DLAT: variants seen among roughly 807,000 people sequenced by gnomAD.
The protein encoded by DLAT is dihydrolipoyllysine-residue acetyltransferase component of pyruvate dehydrogenase complex, mitochondrial.
A neutral mutation model predicts 68.0 loss-of-function variants in DLAT; 43 were observed. That is an observed-to-expected ratio of 0.63 (90% confidence interval 0.50 to 0.81). DLAT has a LOEUF of 0.81. DLAT is among the 40% of genes least tolerant of loss of function. The pLI, the probability that DLAT is intolerant of heterozygous loss-of-function variation, is 0.00. For missense variants in DLAT, 745 were observed against 815.4 expected (o/e 0.91, Z 1.05); for synonymous variants, 265 against 288.6 (o/e 0.92, Z 0.83).
At chr11:112,058,176 T>G (rs1356867379) in intron 11 of DLAT, among the ~76,000 whole-genome samples, 1 of 152,236 alleles carries the variant, frequency 6.6e-6, no homozygotes, top group Admixed American at 6.5e-5. Context: ...TAACATGTAC[T>G]GTTTACTGGA....
intron 11 of DLAT, among the ~76,000 whole-genome samples, chr11:112,058,633 G>GC (rs2135145254): frequency 7.6e-6 from 1 of 130,732 alleles, no homozygotes; most frequent in South Asian, 2.9e-4. Flanking sequence ...GGTGGGGGGG[G>GC]GGAATCACCT....
In DLAT at chr11:112,028,772, G is replaced by T. The variant is rs1592659520; in HGVS notation, c.507-20G>T. 1 of 1,614,110 alleles carries T rather than the reference G, an allele frequency of 6.2e-7. No homozygotes were observed. Among genetic ancestry groups the T allele is most frequent in the African/African-American group, 1.3e-5 (1 of 75,012 alleles). The stretch of plus-strand genomic sequence containing the variant: ...AGCTGAATCTGCCCATTATATTTAT[G>T]CATTCTTTCTCTTCCTTAGGCCTGA... On this transcript the variant is annotated intron_variant, in intron 3 of 13. Coordinates refer to ENST00000280346, the MANE Select transcript of DLAT (RefSeq NM_001931.5).
At position 112,036,201 on chromosome 11, in the gene DLAT, G is replaced by GTTTTTTTTTT. The variant is rs1167345612; in HGVS notation, c.788-1052_788-1043dup. ...TGTGTGTGTGTGTGTGTGTGTGTGT[G>GTTTTTTTTTT]TTTTTTTTTTTTTTTTTTTTTTTTT... On this transcript the variant is annotated intron_variant, in intron 5 of 13. Transcript: ENST00000280346. Among the ~76,000 whole-genome samples, 28 of 36,482 alleles carry GTTTTTTTTTT rather than the reference G, an allele frequency of 7.7e-4. 5 individuals carry two copies. Among genetic ancestry groups the GTTTTTTTTTT allele is most frequent in the Non-Finnish European group, 1.1e-3 (22 of 19,682 alleles). 23.9% of individuals were successfully genotyped at this position (36,482 alleles called of 152,430 possible).
At position 112,038,395 on chromosome 11, in the gene DLAT, C is replaced by T. The variant is rs374665519; in HGVS notation, c.976-849C>T. Among the ~76,000 whole-genome samples, 12 of 149,460 alleles carry T rather than the reference C, an allele frequency of 8.0e-5. No individual in the cohort carries two copies. In the East Asian group the frequency reaches 2.1e-3, roughly 27 times the overall value. ...TTTATTTTTAGTAGAGAAGGGGTTT[C>T]ACCGTGTTGGCCAGGCTGGTCACGA... On this transcript the variant is annotated intron_variant, in intron 6 of 13. Coordinates refer to ENST00000280346, the MANE Select transcript of DLAT (RefSeq NM_001931.5).
chr11:112,059,884 T>C lies in DLAT; in HGVS notation c.1515-19T>C. On this transcript the variant is annotated intron_variant, in intron 11 of 13. Transcript: ENST00000280346. Reference sequence around the variant, plus strand: ...TTAATAAACAGTTTTTTATTATATTTATTTTTCTTTTTAAACAGAAATCAT... The same window carrying C: ...TTAATAAACAGTTTTTTATTATATTCATTTTTCTTTTTAAACAGAAATCAT... 2 of 1,555,246 alleles carry C rather than the reference T, an allele frequency of 1.3e-6. No homozygotes were observed. Among genetic ancestry groups the C allele is most frequent in the Non-Finnish European group, 8.7e-7 (1 of 1,149,108 alleles).
intron 10 of DLAT, among the ~76,000 whole-genome samples, chr11:112,046,659 C>T (rs1168402909): frequency 2.0e-5 from 3 of 151,744 alleles, no homozygotes; most frequent in African/African-American, 7.3e-5. Flanking sequence ...ATGTTTCCCT[C>T]CCTGTGTCCA....
At chr11:112,048,820 C>T (rs903612668) in intron 10 of DLAT, among the ~76,000 whole-genome samples, 2 of 152,070 alleles carry the variant, frequency 1.3e-5, no homozygotes, top group African/African-American at 4.8e-5. Flanking sequence ...AGCCATGAGC[C>T]CCCATGCCTG....
chr11:112,053,708 C>T (rs1157210811), intron 11 of DLAT, among the ~76,000 whole-genome samples: 2 of 152,164 alleles, frequency 1.3e-5, no homozygotes, highest in African/African-American at 2.4e-5. Flanking sequence ...CCACCTTGGC[C>T]TCCCAAAGTG....
intron 4 of DLAT, among the ~76,000 whole-genome samples, chr11:112,029,388 G>A (rs991580826): frequency 3.3e-5 from 5 of 152,142 alleles, no homozygotes; most frequent in Admixed American, 6.5e-5. Flanking sequence ...GAAGCAGGGC[G>A]CCAGCATCTG....
intron 11 of DLAT, among the ~76,000 whole-genome samples, chr11:112,055,404 C>T (rs782606018): frequency 2.6e-5 from 4 of 151,818 alleles, no homozygotes; most frequent in South Asian, 2.1e-4. Context: ...CCACCACGCC[C>T]GGCTAATTTT....
chr11:112,053,014 A>T (rs1409361336), intron 11 of DLAT, among the ~76,000 whole-genome samples: 1 of 152,158 alleles, frequency 6.6e-6, no homozygotes, highest in Non-Finnish European at 1.5e-5. Flanking sequence ...AGTATATATT[A>T]TACCACACTT....
intron 4 of DLAT, among the ~76,000 whole-genome samples, chr11:112,031,004 T>A (rs587759304): frequency 1.8e-4 from 27 of 152,358 alleles, no homozygotes; most frequent in African/African-American, 5.5e-4. Context: ...TGTGCATGTG[T>A]TAGGGTTTTA....
chr11:112,058,156 A>T (rs1346051588), intron 11 of DLAT, among the ~76,000 whole-genome samples: 2 of 152,212 alleles, frequency 1.3e-5, no homozygotes, highest in African/African-American at 4.8e-5. Context: ...ACACCCATTC[A>T]ACATTTATTT....
At chr11:112,060,857 T>G (rs962011656) in intron 12 of DLAT, among the ~76,000 whole-genome samples, 181 bp from the exon 13 acceptor site, 1 of 152,194 alleles carries the variant, frequency 6.6e-6, no homozygotes, top group Non-Finnish European at 1.5e-5. Flanking sequence ...AATAAGACAT[T>G]TTCCGGCTGA....
rs587701301 is a variant in DLAT, at chr11:112,033,020, C to T, written c.661-384C>T. Reference sequence around the variant, plus strand: ...TGGAGGTTGCAGTGAGCCGAGATTGCGCCATTGCTCTCCAGCCTGGGGGAC... The same window carrying T: ...TGGAGGTTGCAGTGAGCCGAGATTGTGCCATTGCTCTCCAGCCTGGGGGAC... On this transcript the variant is annotated intron_variant, in intron 4 of 13. Coordinates refer to ENST00000280346, the MANE Select transcript of DLAT (RefSeq NM_001931.5). Among the ~76,000 whole-genome samples the T allele has an allele frequency of 4.6e-5, 7 of 152,192 alleles. 1 individual carries two copies. The South Asian group carries it at 1.0e-3, about 23-fold the overall frequency.
At chr11:112,060,130 AT>A in intron 12 of DLAT, 65 bp downstream of exon 12, 2 of 1,228,648 alleles carry the variant, frequency 1.6e-6, no homozygotes, top group East Asian at 2.6e-5. Flanking sequence ...CATTTATTGC[AT>A]TTTTCACCTT....
chr11:112,051,309 C>T lies in DLAT; in HGVS notation c.1474C>T (p.Pro492Ser). 1.2e-6 allele frequency: 2 copies of T among 1,613,624 alleles called. No individual in the cohort carries two copies. Among genetic ancestry groups the T allele is most frequent in the Non-Finnish European group, 1.7e-6 (2 of 1,179,962 alleles). Residue 492 changes from proline (P) to serine (S), a missense_variant, in exon 11 of 14, where the codon CCC (proline) becomes TCC (serine). Pro to Ser is a moderately conservative substitution (Grantham distance 74). Coordinates refer to ENST00000280346, the MANE Select transcript of DLAT (RefSeq NM_001931.5). The surrounding 1 kb of genome is among the most constrained non-coding windows in gnomAD (Gnocchi z 4.3). ...KASALACLKV[P>S]EANSSWMDTV... ...TTCAGCTTTGGCATGTTTAAAAGTTCCCGAAGCAAATTCTTCTTGGATGGA... is the reference window on the plus strand; with the variant it reads ...TTCAGCTTTGGCATGTTTAAAAGTTTCCGAAGCAAATTCTTCTTGGATGGA...
intron 2 of DLAT, among the ~76,000 whole-genome samples, chr11:112,027,778 C>T (rs1862147678): frequency 1.3e-5 from 2 of 152,000 alleles, no homozygotes; most frequent in Non-Finnish European, 2.9e-5. Flanking sequence ...CGCGTGCCTG[C>T]AATCGCAGGC....
Position 112,025,544 on chromosome 11 carries a change from C to T in DLAT, c.72C>T (p.Ala24=). The change falls in exon 1 of 14, where the codon GCC becomes GCT. Residue 24 remains alanine (A), a synonymous_variant. Transcript: ENST00000280346. ...PWAGLEARWT[A]LQEVPGTPRV... ...CGGGACTCGAGGCTCGGTGGACGGCCTTGCAGGAGGTACCCGGAACTCCAC... is the reference window on the plus strand; with the variant it reads ...CGGGACTCGAGGCTCGGTGGACGGCTTTGCAGGAGGTACCCGGAACTCCAC... 6.2e-7 allele frequency: 1 copy of T among 1,613,984 alleles called. No homozygotes were observed. The highest frequency in any genetic ancestry group is 8.5e-7 in the Non-Finnish European group (1 of 1,179,994).
Sources: allele counts gnomAD v4.1 joint callset (sites outside exome capture counted in the v4.1 genomes callset), GRCh38; gene constraint gnomAD v4.1.1; non-coding constraint Gnocchi (gnomAD v3.1); transcripts MANE v1.5; gene names NCBI Gene and HGNC (gene_info 2026-07-23, HGNC 2026-07-21).